The following PNPLA7 variants were observed in gnomAD, a reference collection of about 807,000 sequenced individuals.
PNPLA7 encodes the protein patatin-like phospholipase domain-containing protein 7.
PNPLA7 carries 153 observed loss-of-function variants against 161.7 expected under a neutral mutation model. That is an observed-to-expected ratio of 0.95 (90% CI 0.83 to 1.08). The LOEUF (loss-of-function observed/expected upper bound fraction) is 1.08, where lower values mean the gene tolerates loss of function less well. Ranked by LOEUF, PNPLA7 falls within the 50% of genes least tolerant of loss-of-function variation. The pLI is 0.00. For synonymous variants in PNPLA7, 809 were observed against 782.1 expected (o/e 1.03, Z -0.57); for missense variants, 1,739 against 1,856.6 (o/e 0.94, Z 1.16).
intron 1 of PNPLA7, among the ~76,000 whole-genome samples, chr9:137,549,001 C>A (rs759918584): frequency 6.6e-6 from 1 of 152,222 alleles, no homozygotes; most frequent in African/African-American, 2.4e-5. Flanking sequence ...TCCCTCAGCC[C>A]AGCAACCGCT....
chr9:137,492,054 T>C, intron 20 of PNPLA7: 1 of 985,346 alleles, frequency 1.0e-6, no homozygotes, highest in Middle Eastern at 5.2e-4. Context: ...CAAGGGGATC[T>C]GGGGTCAAAT....
rs376273615 is a variant in PNPLA7, at chr9:137,497,271, G to A, written c.1929C>T (p.Ser643=). 8.8e-6 allele frequency: 14 copies of A among 1,587,488 alleles called. No homozygotes were observed. Among genetic ancestry groups the A allele is most frequent in the South Asian group, 4.6e-5 (4 of 86,938 alleles). The change falls in exon 18 of 35, where the codon AGC becomes AGT. Residue 643 remains serine, a synonymous_variant. Transcript: ENST00000406427. The stretch of plus-strand genomic sequence containing the variant: ...TCCGGATCACAGAGCGCAGCCGGCC[G>A]CTGAGCATGATGTACGTGCAGTCGG... ...DKSDCTYIML[S]GRLRSVIRKD... is the part of the protein sequence containing the mutation.
In PNPLA7 at chr9:137,499,616, C is replaced by G. The variant is rs1833269338; in HGVS notation, c.1757+1075G>C. On this transcript the variant is annotated intron_variant, in intron 16 of 34. Transcript: ENST00000406427. This position sits in a 1 kb window ranked among gnomAD's most constrained non-coding sequence, Gnocchi z 5.5. Reference sequence around the variant, plus strand: ...CAGGGCACCCGGCATCGGGACCTGGCTGGAGCCACTCAGGCCAGGCCTGGA... The same window carrying G: ...CAGGGCACCCGGCATCGGGACCTGGGTGGAGCCACTCAGGCCAGGCCTGGA... Among the ~76,000 whole-genome samples the G allele has an allele frequency of 6.6e-6, 1 of 152,242 alleles. No homozygotes were observed. Among genetic ancestry groups the G allele is most frequent in the African/African-American group, 2.4e-5 (1 of 41,458 alleles).
intron 25 of PNPLA7, among the ~76,000 whole-genome samples, chr9:137,469,670 A>G (rs1228236890): frequency 6.6e-6 from 1 of 152,260 alleles, no homozygotes; most frequent in Non-Finnish European, 1.5e-5. Context: ...TAAATAAAAG[A>G]GTAAAATTAA....
At chr9:137,535,702 G>C (rs1835847288) in intron 8 of PNPLA7, among the ~76,000 whole-genome samples, 1 of 149,788 alleles carries the variant, frequency 6.7e-6, no homozygotes, top group Non-Finnish European at 1.5e-5. Flanking sequence ...GCAGTGAGCT[G>C]AGATCACGCC....
At chr9:137,469,222 A>G (rs1398824549) in intron 25 of PNPLA7, among the ~76,000 whole-genome samples, 2 of 152,236 alleles carry the variant, frequency 1.3e-5, no homozygotes, top group African/African-American at 4.8e-5. Flanking sequence ...GTAAAATACA[A>G]GATGGGTCAG....
At chr9:137,542,117 AAC>A (rs1836237383) in intron 7 of PNPLA7, among the ~76,000 whole-genome samples, 1 of 152,194 alleles carries the variant, frequency 6.6e-6, no homozygotes, top group African/African-American at 2.4e-5. Flanking sequence ...ATGGCAAATC[AAC>A]ACAGTGACTT....
Position 137,523,604 on chromosome 9 carries a change from T to C in PNPLA7, c.748-747A>G, listed in dbSNP as rs1049026490. 3.3e-5 allele frequency among the ~76,000 whole-genome samples: 5 copies of C among 151,622 alleles called. No individual in the cohort carries two copies. Among genetic ancestry groups the C allele is most frequent in the African/African-American group, 9.7e-5 (4 of 41,276 alleles). The stretch of plus-strand genomic sequence containing the variant: ...AGACGAAAGGCTGTTGTTTACACCA[T>C]GCCGTCACCTGCCTGCAGAGACAGA... On this transcript the variant is annotated intron_variant, in intron 8 of 34. Coordinates refer to ENST00000406427, the MANE Select transcript of PNPLA7 (RefSeq NM_001098537.3). The surrounding 1 kb of genome is among the most constrained non-coding windows in gnomAD (Gnocchi z 4.4).
Position 137,463,425 on chromosome 9 carries a change from G to T in PNPLA7, c.3333C>A (p.Asn1111Lys), listed in dbSNP as rs1321611644. The T allele has an allele frequency of 6.2e-7, 1 of 1,603,244 alleles. No individual in the cohort carries two copies. Among genetic ancestry groups the T allele is most frequent in the African/African-American group, 1.3e-5 (1 of 74,932 alleles). Residue 1111 changes from asparagine (N) to lysine (K), a missense_variant, in exon 29 of 35, where the codon AAC becomes AAA. Physicochemically the swap from Asn to Lys is moderately conservative, Grantham distance 94. Around this residue, in one of 6 missense-constraint regions of PNPLA7, gnomAD observed 703 missense variants for 694.6 expected, o/e 1.01. Transcript: ENST00000406427. ...GHLLMDGGYI[N>K]NLPADVARSM... ...CCCCCACCGCAGTACCTGGGAGGTT[G>T]TTGATGTAGCCCCCGTCCATCAGCA... is the stretch of plus-strand genomic sequence containing the variant.
intron 25 of PNPLA7, among the ~76,000 whole-genome samples, chr9:137,474,021 T>C (rs1831828679): frequency 6.6e-6 from 1 of 151,982 alleles, no homozygotes; most frequent in Non-Finnish European, 1.5e-5. Flanking sequence ...GGTGGATCAC[T>C]TGAGGTCAGG....
intron 8 of PNPLA7, among the ~76,000 whole-genome samples, chr9:137,531,809 G>A (rs1835594123): frequency 6.6e-6 from 1 of 152,188 alleles, no homozygotes; most frequent in Non-Finnish European, 1.5e-5. Flanking sequence ...GAAAAGAGAA[G>A]GTGAAATGAG....
intron 8 of PNPLA7, among the ~76,000 whole-genome samples, chr9:137,538,881 G>A (rs980828218): frequency 3.9e-5 from 6 of 152,006 alleles, no homozygotes; most frequent in South Asian, 2.1e-4. Flanking sequence ...GTGAAACCCC[G>A]TCTGTACTAA....
intron 8 of PNPLA7, among the ~76,000 whole-genome samples, chr9:137,531,522 T>G (rs1835581450): frequency 6.6e-6 from 1 of 152,092 alleles, no homozygotes; most frequent in African/African-American, 2.4e-5. Flanking sequence ...CTCCCCACAC[T>G]TGCACATCTT....
At chr9:137,530,675 G>A (rs990021562) in intron 8 of PNPLA7, among the ~76,000 whole-genome samples, 9 of 152,198 alleles carry the variant, frequency 5.9e-5, no homozygotes, top group Non-Finnish European at 1.3e-4. Context: ...CCTTGCCACA[G>A]CAGAACTGTA....
At chr9:137,472,782 C>T (rs577237625) in intron 25 of PNPLA7, among the ~76,000 whole-genome samples, 44 of 151,822 alleles carry the variant, frequency 2.9e-4, no homozygotes, top group African/African-American at 9.2e-4. Flanking sequence ...TGGTGAAACC[C>T]GGTCTCTACT....
intron 11 of PNPLA7, chr9:137,516,377 C>A (rs1275254920): frequency 2.9e-5 from 29 of 984,868 alleles, no homozygotes; most frequent in Non-Finnish European, 3.5e-5. Flanking sequence ...TGGACACTGT[C>A]CTTACCTACA....
rs1219845767 is a variant in PNPLA7, at chr9:137,520,923, T to C, written c.957+713A>G. Among the ~76,000 whole-genome samples the C allele has an allele frequency of 1.3e-5, 2 of 152,022 alleles. No homozygotes were observed. Among genetic ancestry groups the C allele is most frequent in the Non-Finnish European group, 2.9e-5 (2 of 67,990 alleles). On this transcript the variant is annotated intron_variant, in intron 10 of 34. Transcript: ENST00000406427. This position sits in a 1 kb window ranked among gnomAD's most constrained non-coding sequence, Gnocchi z 5.2. ...CAACAGGGACCCCATGGGACGGGCA[T>C]GGGGAGGGGCAGCCTCTGCTGGACG...
At position 137,547,703 on chromosome 9, in the gene PNPLA7, C is replaced by G; in HGVS notation, c.31-44G>C. 10 of 1,582,500 alleles carry G rather than the reference C, an allele frequency of 6.3e-6. No individual in the cohort carries two copies. The South Asian group carries it at 1.1e-4, about 17-fold the overall frequency. On this transcript the variant is annotated intron_variant, in intron 1 of 34. Coordinates refer to ENST00000406427, the MANE Select transcript of PNPLA7 (RefSeq NM_001098537.3). The surrounding 1 kb of genome is among the most constrained non-coding windows in gnomAD (Gnocchi z 4.6). ...GGTCAGGTGGGCATGGACAGGCTTC[C>G]CAGCCCGAACTTGTTCAGAGCAGCA... is the stretch of plus-strand genomic sequence containing the variant.
At chr9:137,478,925 G>A (rs1469447233) in intron 24 of PNPLA7, 131 bp downstream of exon 24, 11 of 1,247,478 alleles carry the variant, frequency 8.8e-6, no homozygotes, top group South Asian at 3.4e-5. Context: ...GCAGGGTCAC[G>A]TTCACAAGCA....
Sources: gnomAD v4.1 joint callset for allele counts (sites outside exome capture counted in the v4.1 genomes callset) on GRCh38, gnomAD v4.1.1 for gene constraint, gnomAD v4.1.1 regional missense constraint, Gnocchi (gnomAD v3.1) non-coding constraint, MANE v1.5 for transcripts, NCBI Gene and HGNC (gene_info 2026-07-23, HGNC 2026-07-21) for gene names.